Variants in ENPEP observed in about 807,000 individuals in gnomAD.
ENPEP encodes the protein AP-A.
Under a neutral mutation model 114.5 loss-of-function variants are expected in ENPEP, and 103 were observed. The observed-to-expected ratio is 0.90, with a 90% CI of 0.77 to 1.06. The LOEUF is 1.06. Ranked by LOEUF, ENPEP falls within the 50% of genes least tolerant of loss-of-function variation. The pLI, the probability that ENPEP is intolerant of heterozygous loss-of-function variation, is 0.00. For synonymous variants in ENPEP, 420 were observed against 422.0 expected, an observed-to-expected ratio of 1.00 and a Z score of 0.06; for missense variants, 1,196 against 1,161.3, an observed-to-expected ratio of 1.03 and a Z score of -0.43.
At chr4:110,505,262 T>A (rs574689406) in intron 3 of ENPEP, among the ~76,000 whole-genome samples, 1 of 152,194 alleles carries the variant, frequency 6.6e-6, no homozygotes, top group Non-Finnish European at 1.5e-5. Context: ...ACAGTTTCAC[T>A]TTTTGATTGC....
chr4:110,503,653 A>C (rs1725249764), intron 3 of ENPEP, among the ~76,000 whole-genome samples: 1 of 152,114 alleles, frequency 6.6e-6, no homozygotes, highest in Non-Finnish European at 1.5e-5. Context: ...ATCCTGCACT[A>C]GTTCTTTCTC....
chr4:110,527,508 G>A (rs1256881613), intron 10 of ENPEP, among the ~76,000 whole-genome samples: 4 of 152,062 alleles, frequency 2.6e-5, no homozygotes, highest in Admixed American at 6.5e-5. Context: ...TTTTAGAAAG[G>A]AAAGATTAGA....
At chr4:110,518,352 CT>C (rs1725858249) in intron 8 of ENPEP, among the ~76,000 whole-genome samples, 1 of 152,120 alleles carries the variant, frequency 6.6e-6, no homozygotes, top group Non-Finnish European at 1.5e-5. Context: ...TGGAAAATGT[CT>C]TTTCCCTTCT....
chr4:110,515,303 G>C (rs1324109932), intron 7 of ENPEP, 74 bp from the exon 8 acceptor site: 1 of 1,201,376 alleles, frequency 8.3e-7, no homozygotes, highest in Non-Finnish European at 1.2e-6. Flanking sequence ...AATACTAGTT[G>C]CAAGAGTAAT....
At chr4:110,528,824 TG>T (rs1295567948) in intron 10 of ENPEP, among the ~76,000 whole-genome samples, 1 of 152,184 alleles carries the variant, frequency 6.6e-6, no homozygotes, top group Non-Finnish European at 1.5e-5. Context: ...ACCTCTTACA[TG>T]GTTAGATAGT....
intron 3 of ENPEP, among the ~76,000 whole-genome samples, chr4:110,497,508 A>T (rs1024995008): frequency 4.6e-5 from 7 of 150,836 alleles, no homozygotes; most frequent in Admixed American, 2.6e-4. Context: ...TTCATTTTTT[A>T]ATTTCTTAAA....
At position 110,488,576 on chromosome 4, in the gene ENPEP, C is replaced by T. The variant is rs779414605; in HGVS notation, c.680C>T (p.Ala227Val). The change falls in exon 2 of 20, where the codon GCC (alanine) becomes GTC (valine). Residue 227 changes from alanine (A) to valine (V), a missense_variant. Transcript: ENST00000265162. ...IVATDHEPTD[A>V]RKSFPCFDEP... is the part of the protein sequence containing the mutation. ...GCCACCGATCATGAACCAACAGATGCCAGGAAATCTTTTCCTTGTTTTGAT... is the reference window on the plus strand; with the variant it reads ...GCCACCGATCATGAACCAACAGATGTCAGGAAATCTTTTCCTTGTTTTGAT... 6 of 1,613,528 alleles carry T rather than the reference C, an allele frequency of 3.7e-6. No individual in the cohort carries two copies. The highest frequency in any genetic ancestry group is 1.1e-5 in the South Asian group (1 of 91,028).
At chr4:110,484,754 TTATATATATATTATATTA>T (rs1260900523) in intron 1 of ENPEP, among the ~76,000 whole-genome samples, 2 of 127,052 alleles carry the variant, frequency 1.6e-5, no homozygotes, top group Admixed American at 1.6e-4. Context: ...ATATTATATT[TTATATATATATTATATTA>T]TATATATATA....
At chr4:110,494,101 A>C (rs2110340578) in intron 3 of ENPEP, among the ~76,000 whole-genome samples, 1 of 152,344 alleles carries the variant, frequency 6.6e-6, no homozygotes, top group South Asian at 2.1e-4. Flanking sequence ...AAGAAAAACC[A>C]AAAAGTGACG....
At chr4:110,544,108 A>G (rs1726958000) in intron 13 of ENPEP, among the ~76,000 whole-genome samples, 1 of 152,060 alleles carries the variant, frequency 6.6e-6, no homozygotes, top group South Asian at 2.1e-4. Flanking sequence ...AAACCTTGAC[A>G]TATTTCAAGG....
chr4:110,560,521 T>C (rs1189534019), intron 19 of ENPEP, among the ~76,000 whole-genome samples: 1 of 152,200 alleles, frequency 6.6e-6, no homozygotes, highest in Non-Finnish European at 1.5e-5. Context: ...ACCTATTTTT[T>C]TTCTAAACAT....
chr4:110,480,909 C>A (rs1225611354), intron 1 of ENPEP, among the ~76,000 whole-genome samples: 2 of 152,018 alleles, frequency 1.3e-5, no homozygotes, highest in Non-Finnish European at 2.9e-5. Context: ...AGGATTGGAA[C>A]CTTTGGAATG....
intron 10 of ENPEP, 49 bp downstream of exon 10, chr4:110,520,415 A>AT (rs1416200711): frequency 1.3e-6 from 2 of 1,584,118 alleles, no homozygotes; most frequent in East Asian, 4.5e-5. Flanking sequence ...TGGCAGAAAT[A>AT]TTGGTAATTT....
At chr4:110,528,886 A>G (rs937409268) in intron 10 of ENPEP, among the ~76,000 whole-genome samples, 2 of 152,220 alleles carry the variant, frequency 1.3e-5, no homozygotes, top group Non-Finnish European at 2.9e-5. Context: ...ATGTTAGCCA[A>G]TATGTAGAAA....
chr4:110,492,131 A>G (rs1358355894), intron 3 of ENPEP, among the ~76,000 whole-genome samples: 1 of 152,154 alleles, frequency 6.6e-6, no homozygotes, highest in Non-Finnish European at 1.5e-5. Flanking sequence ...CTAGTAAGCC[A>G]GTTAATTCAC....
intron 3 of ENPEP, among the ~76,000 whole-genome samples, chr4:110,505,612 CT>C (rs1255128192): frequency 1.3e-5 from 2 of 152,154 alleles, no homozygotes; most frequent in Admixed American, 6.5e-5. Flanking sequence ...GCAATATTTT[CT>C]TTTTTTCTTG....
intron 11 of ENPEP, among the ~76,000 whole-genome samples, chr4:110,532,138 T>G (rs1726429856): frequency 6.6e-6 from 1 of 152,212 alleles, no homozygotes; most frequent in Non-Finnish European, 1.5e-5. Context: ...TACTGAGATA[T>G]AATTCACATA....
chr4:110,520,289 C>T lies in ENPEP; in HGVS notation c.1650C>T (p.Asn550=), dbSNP rs764244016. The change falls in exon 10 of 20, where the codon AAC becomes AAT. Residue 550 remains asparagine, a synonymous_variant. Coordinates refer to ENST00000265162, the MANE Select transcript of ENPEP (RefSeq NM_001977.4). ...TGGGTTATCCTGTGCTTAACGTGAA[C>T]GGTGTCAAGAACATCACACAGAAAC... ...RQMGYPVLNV[N]GVKNITQKRF... 53 of 1,613,796 alleles carry T rather than the reference C, an allele frequency of 3.3e-5. No homozygotes were observed. In the South Asian group the frequency reaches 3.7e-4, roughly 11 times the overall value.
intron 8 of ENPEP, among the ~76,000 whole-genome samples, chr4:110,516,294 C>T (rs1335787385): frequency 6.6e-6 from 1 of 152,138 alleles, no homozygotes; most frequent in African/African-American, 2.4e-5. Context: ...GGAGATGTTT[C>T]TGTTTCATTT....
Sources: allele counts gnomAD v4.1 joint callset (sites outside exome capture counted in the v4.1 genomes callset), GRCh38; gene constraint gnomAD v4.1.1; transcripts MANE v1.5; gene names NCBI Gene and HGNC (gene_info 2026-07-23, HGNC 2026-07-21).